The following PLA2G7 variants were observed in gnomAD, a reference collection of about 807,000 sequenced individuals.
The protein encoded by PLA2G7 is platelet-activating factor acetylhydrolase.
A neutral mutation model predicts 49.6 loss-of-function variants in PLA2G7; 63 were observed. The ratio of observed to expected loss-of-function variants is 1.27; its 90% confidence interval spans 1.04 to 1.57. PLA2G7 has a LOEUF of 1.57. Among genes scored for constraint, PLA2G7 ranks in the 40% most tolerant of loss-of-function variants. The pLI, the probability that PLA2G7 is intolerant of heterozygous loss-of-function variation, is 0.00. For missense variants in PLA2G7, 596 were observed against 521.2 expected (o/e 1.14, Z -1.40); for synonymous variants, 193 against 169.9 (o/e 1.14, Z -1.06).
Position 46,717,726 on chromosome 6 carries a change from T to C in PLA2G7, c.110-630A>G, listed in dbSNP as rs547548254. Among the ~76,000 whole-genome samples the C allele has an allele frequency of 8.0e-3, 1,163 of 146,222 alleles. 11 individuals carry two copies. Among genetic ancestry groups the C allele is most frequent in the South Asian group, 0.017 (77 of 4,534 alleles). On this transcript the variant is annotated intron_variant, in intron 2 of 11. Transcript: ENST00000274793. ...TCTTTTTTCTTTTTCTTTTTTTTTT[T>C]TTTTGAGACAGAGTCTCACCGTGTT...
Position 46,704,470 on chromosome 6 carries a change from TCTCTCTCTCACACACACA to T in PLA2G7, c.*72_*89del, listed in dbSNP as rs1223895198. Reference sequence around the variant, plus strand: ...CTCTCTCTCTCTCTCTCTCTCTCTCTCTCTCTCTCACACACACACACACACACACACACACACACATAA... The same window carrying T: ...CTCTCTCTCTCTCTCTCTCTCTCTCTCACACACACACACACACACACATAA... On this transcript the variant is annotated 3_prime_UTR_variant, in exon 12 of 12. Coordinates refer to ENST00000274793, the MANE Select transcript of PLA2G7 (RefSeq NM_005084.4). 137 of 279,860 alleles carry T rather than the reference TCTCTCTCTCACACACACA, an allele frequency of 4.9e-4. No individual in the cohort carries two copies. The highest frequency in any genetic ancestry group is 2.2e-3 in the Middle Eastern group (2 of 890). The allele number at this position is 279,860 out of a possible 1,614,324, so 17.3% of individuals were successfully genotyped here. A position where few individuals can be genotyped will look rare whatever the true frequency, so the allele number is the denominator to read the frequency against.
chr6:46,720,342 G>T (rs1014609654), intron 2 of PLA2G7, among the ~76,000 whole-genome samples: 1 of 152,200 alleles, frequency 6.6e-6, no homozygotes, highest in Non-Finnish European at 1.5e-5. Flanking sequence ...AGTTAGGAGT[G>T]CCCTGGTTGT....
chr6:46,724,902 A>G (rs1165987642), intron 1 of PLA2G7, among the ~76,000 whole-genome samples: 1 of 152,242 alleles, frequency 6.6e-6, no homozygotes, highest in Non-Finnish European at 1.5e-5. Flanking sequence ...CAGTCATTCA[A>G]TCAAAGGGTA....
chr6:46,729,699 TCTTGG>T (rs45518940), intron 1 of PLA2G7, among the ~76,000 whole-genome samples: 293 of 152,292 alleles, frequency 1.9e-3, no homozygotes, highest in African/African-American at 6.7e-3. Context: ...GGCTGATAAG[TCTTGG>T]CTGTGGGGGC....
At chr6:46,717,517 A>G (rs1391708824) in intron 2 of PLA2G7, among the ~76,000 whole-genome samples, 1 of 152,040 alleles carries the variant, frequency 6.6e-6, no homozygotes, top group Non-Finnish European at 1.5e-5. Context: ...TCAAAATGAA[A>G]CTAGTTTCCA....
At chr6:46,722,747 C>A (rs374734400) in intron 2 of PLA2G7, 36 bp downstream of exon 2, 22 of 1,224,130 alleles carry the variant, frequency 1.8e-5, no homozygotes, top group Non-Finnish European at 2.3e-5. Context: ...GGCGACAGAT[C>A]AGTTGCTCAA....
In PLA2G7 at chr6:46,717,009, C is replaced by G; in HGVS notation, c.197G>C (p.Gly66Ala). The G allele has an allele frequency of 6.2e-7, 1 of 1,613,672 alleles. No homozygotes were observed. Among genetic ancestry groups the G allele is most frequent in the Non-Finnish European group, 8.5e-7 (1 of 1,179,600 alleles). The stretch of plus-strand genomic sequence containing the variant: ...GTGATCAAACATTAAGTCTGTACAA[C>G]CAACGGAATAAGGCCCATTTCCCCG... Reference protein sequence around the residue: ...IPRGNGPYSVGCTDLMFDHTN... With the variant: ...IPRGNGPYSVACTDLMFDHTN... The change falls in exon 3 of 12, where the codon GGT becomes GCT. Residue 66 changes from glycine (G) to alanine (A), a missense_variant. Transcript: ENST00000274793.
intron 8 of PLA2G7, 25 bp from the exon 9 acceptor site, chr6:46,709,443 TTTATAGC>T (rs1407932386): frequency 8.1e-7 from 1 of 1,233,358 alleles, no homozygotes; most frequent in Non-Finnish European, 1.2e-6. Context: ...ATGATATAAA[TTTATAGC>T]TATTTCGTGG....
At chr6:46,712,509 G>A (rs1765061462) in intron 5 of PLA2G7, among the ~76,000 whole-genome samples, 172 bp from the exon 6 acceptor site, 1 of 152,114 alleles carries the variant, frequency 6.6e-6, no homozygotes, top group African/African-American at 2.4e-5. Context: ...GGGGATATTT[G>A]ACAATGTCTG....
chr6:46,732,622 T>C (rs1421074206), intron 1 of PLA2G7, among the ~76,000 whole-genome samples: 1 of 152,176 alleles, frequency 6.6e-6, no homozygotes. Context: ...CTAGCCCACT[T>C]AATTCAATGA....
intron 5 of PLA2G7, among the ~76,000 whole-genome samples, chr6:46,713,909 C>T (rs552874368): frequency 3.3e-4 from 50 of 152,322 alleles, no homozygotes; most frequent in African/African-American, 1.0e-3. Flanking sequence ...AGATACAGGA[C>T]TCTTGATAAG....
chr6:46,735,066 G>C (rs1765878807), intron 1 of PLA2G7, 114 bp downstream of exon 1: 1 of 152,108 alleles, frequency 6.6e-6, no homozygotes. Flanking sequence ...CCAGCAGAGC[G>C]GGTGCGACTC....
intron 9 of PLA2G7, among the ~76,000 whole-genome samples, chr6:46,708,430 A>G (rs1238648636): frequency 6.6e-6 from 1 of 152,218 alleles, no homozygotes; most frequent in Non-Finnish European, 1.5e-5. Flanking sequence ...AAAACTTTTT[A>G]TTCAAAATAA....
At chr6:46,725,507 G>C (rs1417423879) in intron 1 of PLA2G7, among the ~76,000 whole-genome samples, 1 of 152,068 alleles carries the variant, frequency 6.6e-6, no homozygotes, top group African/African-American at 2.4e-5. Flanking sequence ...TGGGATTACA[G>C]TCATCAGCCG....
chr6:46,732,238 C>A (rs1765755746), intron 1 of PLA2G7, among the ~76,000 whole-genome samples: 1 of 152,112 alleles, frequency 6.6e-6, no homozygotes, highest in Admixed American at 6.6e-5. Context: ...GACATTTGTG[C>A]TTGTGGTTCC....
chr6:46,730,740 A>T (rs2150714459), intron 1 of PLA2G7, among the ~76,000 whole-genome samples: 1 of 152,308 alleles, frequency 6.6e-6, no homozygotes, highest in East Asian at 1.9e-4. Context: ...TAAAGGAGCA[A>T]CTAATTCAAC....
chr6:46,711,026 C>G (rs898864124), intron 7 of PLA2G7, among the ~76,000 whole-genome samples: 2 of 152,158 alleles, frequency 1.3e-5, no homozygotes, highest in African/African-American at 4.8e-5. Flanking sequence ...AACTTAACTG[C>G]CCTAATAGCT....
upstream of PLA2G7, chr6:46,735,447 G>C (rs939539187): frequency 1.3e-5 from 2 of 152,392 alleles, no homozygotes; most frequent in African/African-American, 2.4e-5. Context: ...AGGAGGTACC[G>C]GGGAGGAGCG....
rs374567070 is a variant in PLA2G7, at chr6:46,729,971, G to A, written c.-35+5209C>T. Among the ~76,000 whole-genome samples the A allele has an allele frequency of 5.9e-5, 9 of 152,320 alleles. No individual in the cohort carries two copies. The East Asian group carries it at 1.2e-3, about 20-fold the overall frequency. ...GTAAATTTAAAAACACAATGGATAG[G>A]CCAGGAAAAATCTAAAGACATCTTC... On this transcript the variant is annotated intron_variant, in intron 1 of 11. Coordinates refer to ENST00000274793, the MANE Select transcript of PLA2G7 (RefSeq NM_005084.4).
Sources: allele counts gnomAD v4.1 joint callset (sites outside exome capture counted in the v4.1 genomes callset), GRCh38; gene constraint gnomAD v4.1.1; transcripts MANE v1.5; gene names NCBI Gene and HGNC (gene_info 2026-07-23, HGNC 2026-07-21).